The following PDS5A variants were observed in gnomAD, a reference collection of about 807,000 sequenced individuals.
PDS5A encodes the protein sister chromatid cohesion protein PDS5 homolog A.
Under a neutral mutation model 167.1 loss-of-function variants are expected in PDS5A, and 42 were observed. The ratio of observed to expected loss-of-function variants is 0.25; its 90% confidence interval spans 0.20 to 0.33. PDS5A has a LOEUF of 0.33. Ranked by LOEUF, PDS5A falls within the 10% of genes least tolerant of loss-of-function variation. The pLI is 1.00. For missense variants in PDS5A, 1,033 were observed against 1,605.9 expected (o/e 0.64, Z 6.10); for synonymous variants, 553 against 554.6 (o/e 1.00, Z 0.04).
chr4:39,957,072 A>G (rs1325522935), intron 2 of PDS5A, among the ~76,000 whole-genome samples: 1 of 152,114 alleles, frequency 6.6e-6, no homozygotes, highest in African/African-American at 2.4e-5. Flanking sequence ...TTATTCAATG[A>G]TTTTCTTTTC....
chr4:39,962,290 T>C (rs1729556572), intron 2 of PDS5A, among the ~76,000 whole-genome samples: 1 of 151,570 alleles, frequency 6.6e-6, no homozygotes, highest in South Asian at 2.1e-4. Flanking sequence ...TCTCCTGACC[T>C]TGTGATCCGC....
intron 2 of PDS5A, among the ~76,000 whole-genome samples, chr4:39,954,693 A>C (rs1009861718): frequency 1.3e-4 from 20 of 151,536 alleles, no homozygotes; most frequent in Admixed American, 4.6e-4. Context: ...AAAAAAAAAA[A>C]AAAACAGAAA....
chr4:39,908,626 GTTT>G, intron 10 of PDS5A, 86 bp from the exon 11 acceptor site: 1 of 822,576 alleles, frequency 1.2e-6, no homozygotes, highest in South Asian at 1.6e-5. Context: ...AATATGTTAA[GTTT>G]TTGTCCATAC....
Position 39,913,636 on chromosome 4 carries a change from G to A in PDS5A, c.967C>T (p.Pro323Ser). 1 of 1,602,426 alleles carries A rather than the reference G, an allele frequency of 6.2e-7. No individual in the cohort carries two copies. The highest frequency in any genetic ancestry group is 8.6e-7 in the Non-Finnish European group (1 of 1,169,428). ...KDSDLATQNR[P>S]LWQCFLGRFN... is the part of the protein sequence containing the mutation. Reference sequence around the variant, plus strand: ...CGTCCAAGAAAACATTGCCAAAGAGGACGATTCTGTGTTGCCAAATCAGAA... The same window carrying A: ...CGTCCAAGAAAACATTGCCAAAGAGAACGATTCTGTGTTGCCAAATCAGAA... Residue 323 changes from proline to serine, a missense_variant, in exon 9 of 33, where the codon CCT becomes TCT. Coordinates refer to ENST00000303538, the MANE Select transcript of PDS5A (RefSeq NM_001100399.2).
chr4:39,954,060 G>A (rs1413711498), intron 2 of PDS5A, among the ~76,000 whole-genome samples: 1 of 152,056 alleles, frequency 6.6e-6, no homozygotes, highest in Admixed American at 6.6e-5. Context: ...ATGGGATGAG[G>A]CAGGGCATGG....
intron 26 of PDS5A, among the ~76,000 whole-genome samples, chr4:39,859,510 A>G (rs1412715437): frequency 1.3e-5 from 2 of 152,240 alleles, no homozygotes; most frequent in Non-Finnish European, 2.9e-5. Context: ...AAGATACACA[A>G]AAGTGGAAAT....
Position 39,943,960 on chromosome 4 carries a change from G to A in PDS5A, c.139-15796C>T, listed in dbSNP as rs543696229. 8.7e-4 allele frequency among the ~76,000 whole-genome samples: 132 copies of A among 151,770 alleles called. 1 individual carries two copies. The highest frequency in any genetic ancestry group is 2.9e-3 in the African/African-American group (120 of 41,378). ...CAGGAGGCCGAGGCAGGTGGATCAC[G>A]AGGTCAGGAGATTGAAACCATCCTG... On this transcript the variant is annotated intron_variant, in intron 2 of 32. Coordinates refer to ENST00000303538, the MANE Select transcript of PDS5A (RefSeq NM_001100399.2).
At chr4:39,911,218 T>C (rs1723853779) in intron 9 of PDS5A, among the ~76,000 whole-genome samples, 1 of 151,990 alleles carries the variant, frequency 6.6e-6, no homozygotes, top group African/African-American at 2.4e-5. Context: ...AATCCAGAAG[T>C]TCAAAGATGA....
intron 17 of PDS5A, among the ~76,000 whole-genome samples, chr4:39,886,604 T>C (rs1721496592): frequency 6.6e-6 from 1 of 151,890 alleles, no homozygotes; most frequent in South Asian, 2.1e-4. Context: ...TCATGGCTAC[T>C]TGGGAGGCTG....
At chr4:39,973,175 C>T in intron 2 of PDS5A, 5 of 1,058,862 alleles carry the variant, frequency 4.7e-6, no homozygotes, top group Non-Finnish European at 7.4e-6. Flanking sequence ...TTCTGGGTAG[C>T]CTCTTTAGCT....
intron 4 of PDS5A, 123 bp downstream of exon 4, chr4:39,926,651 TA>T: frequency 1.5e-6 from 1 of 646,168 alleles, no homozygotes; most frequent in Non-Finnish European, 2.3e-6. Flanking sequence ...TTATGAAATG[TA>T]AAAGACATTT....
chr4:39,835,130 G>A (rs1716273714), intron 32 of PDS5A, among the ~76,000 whole-genome samples: 1 of 152,130 alleles, frequency 6.6e-6, no homozygotes. Flanking sequence ...AGTGGAGACA[G>A]GCTTTCACCA....
At chr4:39,882,393 T>A (rs1164798943) in intron 17 of PDS5A, among the ~76,000 whole-genome samples, 1 of 152,220 alleles carries the variant, frequency 6.6e-6, no homozygotes, top group Admixed American at 6.5e-5. Flanking sequence ...CTCTAAGAAA[T>A]CTTTGCCTAT....
intron 17 of PDS5A, among the ~76,000 whole-genome samples, chr4:39,886,581 C>CG (rs1438780390): frequency 6.6e-6 from 1 of 151,752 alleles, no homozygotes; most frequent in Non-Finnish European, 1.5e-5. Context: ...GGTGCAGTGG[C>CG]GCATAACTGT....
chr4:39,860,465 CAA>C (rs35765967), intron 26 of PDS5A, among the ~76,000 whole-genome samples: 2 of 125,224 alleles, frequency 1.6e-5, no homozygotes. Context: ...ACACTTGTCT[CAA>C]AAAAAAAAAG....
intron 17 of PDS5A, 86 bp from the exon 18 acceptor site, chr4:39,879,919 T>A: frequency 2.8e-6 from 2 of 702,050 alleles, no homozygotes; most frequent in Non-Finnish European, 4.7e-6. Context: ...ATATAGAACC[T>A]TAAAATATTA....
At chr4:39,959,763 T>C (rs181912077) in intron 2 of PDS5A, among the ~76,000 whole-genome samples, 1 of 152,016 alleles carries the variant, frequency 6.6e-6, no homozygotes, top group South Asian at 2.1e-4. Context: ...GAGACCAGCC[T>C]GGCCAACAAG....
intron 8 of PDS5A, 70 bp from the exon 9 acceptor site, chr4:39,913,796 TC>T: frequency 2.4e-6 from 2 of 840,560 alleles, no homozygotes; most frequent in Admixed American, 3.5e-5. Context: ...CTTGAAACAT[TC>T]TCAAGAAGAT....
chr4:39,944,045 G>T (rs2109772178), intron 2 of PDS5A, among the ~76,000 whole-genome samples: 1 of 151,728 alleles, frequency 6.6e-6, no homozygotes, highest in East Asian at 2.0e-4. Flanking sequence ...GGGCGTGGTG[G>T]CGGGCACCTG....
Sources: gnomAD v4.1 joint callset for allele counts (sites outside exome capture counted in the v4.1 genomes callset) on GRCh38, gnomAD v4.1.1 for gene constraint, MANE v1.5 for transcripts, NCBI Gene and HGNC (gene_info 2026-07-23, HGNC 2026-07-21) for gene names.